Variants in FHIT observed in about 807,000 individuals in gnomAD.
The protein encoded by FHIT is bis(5'-adenosyl)-triphosphatase.
FHIT carries 19 observed loss-of-function variants against 17.9 expected under a neutral mutation model. The observed-to-expected ratio is 1.06, with a 90% CI of 0.74 to 1.56. The LOEUF (loss-of-function observed/expected upper bound fraction) is 1.56, where lower values mean the gene tolerates loss of function less well. Among genes scored for constraint, FHIT ranks in the 40% most tolerant of loss-of-function variants. The probability of loss-of-function intolerance (pLI) is 0.00; values close to 1 mark genes in which losing one functional copy is unlikely to be tolerated. For synonymous variants in FHIT, 81 were observed against 69.7 expected (o/e 1.16, Z -0.81); for missense variants, 248 against 189.2 (o/e 1.31, Z -1.82).
intron 8 of FHIT, among the ~76,000 whole-genome samples, chr3:59,791,603 C>G (rs1219685176): frequency 6.6e-6 from 1 of 152,144 alleles, no homozygotes; most frequent in East Asian, 1.9e-4. Context: ...CAAAGGGTCT[C>G]TAATTTCTCT....
intron 4 of FHIT, chr3:60,730,060 C>T: frequency 2.0e-6 from 1 of 493,702 alleles, no homozygotes; most frequent in Non-Finnish European, 4.1e-6. Context: ...TGAAACAACC[C>T]TCTGGACTTC....
chr3:60,074,247 G>T (rs1702908637), intron 5 of FHIT, among the ~76,000 whole-genome samples: 1 of 151,992 alleles, frequency 6.6e-6, no homozygotes, highest in Non-Finnish European at 1.5e-5. Flanking sequence ...TGAGTTTTAT[G>T]AAACAGTTAA....
At chr3:59,786,720 G>C (rs1212510467) in intron 8 of FHIT, among the ~76,000 whole-genome samples, 4 of 152,208 alleles carry the variant, frequency 2.6e-5, no homozygotes, top group African/African-American at 9.6e-5. Context: ...AAACTATGGA[G>C]ATTATGCCAT....
Position 60,569,755 on chromosome 3 carries a change from A to ATATATATTTTTT in FHIT, c.-17-32777_-17-32776insAAAAAATATATA. Among the ~76,000 whole-genome samples, 437 of 77,224 alleles carry ATATATATTTTTT rather than the reference A, an allele frequency of 5.7e-3. 13 individuals are homozygous for ATATATATTTTTT. The highest frequency in any genetic ancestry group is 0.026 in the Middle Eastern group (3 of 114). The allele number at this position is 77,224 out of a possible 152,430, so 50.7% of individuals were successfully genotyped here. A position where few individuals can be genotyped will look rare whatever the true frequency, so the allele number is the denominator to read the frequency against. On this transcript the variant is annotated intron_variant, in intron 4 of 9. Coordinates refer to ENST00000492590, the MANE Select transcript of FHIT (RefSeq NM_002012.4). Reference sequence around the variant, plus strand: ...TATATATATATATATATATATATATATTTTTTTTTTTTTTAGACAGAGTTT... The same window carrying ATATATATTTTTT: ...TATATATATATATATATATATATATATATATATTTTTTTTTTTTTTTTTTTTAGACAGAGTTT...
chr3:60,357,446 T>G (rs1246671393), intron 5 of FHIT, among the ~76,000 whole-genome samples: 1 of 152,132 alleles, frequency 6.6e-6, no homozygotes, highest in Admixed American at 6.5e-5. Flanking sequence ...GGTTTCGCTA[T>G]GTTGGTCAGA....
chr3:59,947,271 T>A (rs745311332), intron 7 of FHIT, among the ~76,000 whole-genome samples: 3 of 152,202 alleles, frequency 2.0e-5, no homozygotes, highest in African/African-American at 4.8e-5. Flanking sequence ...TTTATCCACT[T>A]CTTGTACGTT....
intron 5 of FHIT, among the ~76,000 whole-genome samples, chr3:60,029,714 T>C (rs1043694842): frequency 2.0e-5 from 3 of 152,142 alleles, no homozygotes; most frequent in African/African-American, 4.8e-5. Flanking sequence ...CAGTAAATTA[T>C]GAGTATTCAG....
At chr3:60,908,885 T>C (rs1239711996) in intron 3 of FHIT, among the ~76,000 whole-genome samples, 3 of 152,172 alleles carry the variant, frequency 2.0e-5, no homozygotes, top group South Asian at 2.1e-4. Context: ...GGGTACTTTG[T>C]GGAGCTTTGA....
At chr3:60,075,258 C>A (rs927636798) in intron 5 of FHIT, among the ~76,000 whole-genome samples, 1 of 151,986 alleles carries the variant, frequency 6.6e-6, no homozygotes, top group Non-Finnish European at 1.5e-5. Context: ...AAGTGGGGAG[C>A]TCCTTTAAAA....
intron 5 of FHIT, among the ~76,000 whole-genome samples, chr3:60,017,860 TG>T (rs1700403460): frequency 6.6e-6 from 1 of 152,186 alleles, no homozygotes; most frequent in Admixed American, 6.5e-5. Flanking sequence ...AGAGCTGGTG[TG>T]GTTTGCTATT....
chr3:60,555,282 G>A (rs938364816), intron 4 of FHIT, among the ~76,000 whole-genome samples: 1 of 152,194 alleles, frequency 6.6e-6, no homozygotes, highest in South Asian at 2.1e-4. Flanking sequence ...TCTGTGTTAT[G>A]TCCCCACTAA....
At chr3:59,927,156 G>A (rs997142571) in intron 7 of FHIT, among the ~76,000 whole-genome samples, 21 of 152,202 alleles carry the variant, frequency 1.4e-4, no homozygotes, top group African/African-American at 4.6e-4. Context: ...GGAGTGATGT[G>A]CGCTGAGTGA....
intron 4 of FHIT, among the ~76,000 whole-genome samples, chr3:60,785,943 T>C (rs6797098): frequency 0.61 from 90,267 of 147,294 alleles, 29,671 homozygotes; most frequent in African/African-American, 0.88. Context: ...ACAGAGAGAG[T>C]ACTTTTCAAG....
chr3:60,848,950 A>C (rs1303068955), intron 3 of FHIT, among the ~76,000 whole-genome samples: 1 of 152,200 alleles, frequency 6.6e-6, no homozygotes, highest in Non-Finnish European at 1.5e-5. Context: ...ACAAACATAG[A>C]TTTGAAACCA....
At chr3:60,930,505 A>C (rs1167559197) in intron 3 of FHIT, among the ~76,000 whole-genome samples, 1 of 152,184 alleles carries the variant, frequency 6.6e-6, no homozygotes, top group South Asian at 2.1e-4. Flanking sequence ...ACAAAGAATC[A>C]AACAGATTTA....
At chr3:60,440,939 A>T (rs528804704) in intron 5 of FHIT, among the ~76,000 whole-genome samples, 1 of 152,138 alleles carries the variant, frequency 6.6e-6, no homozygotes, top group Non-Finnish European at 1.5e-5. Context: ...CTGATACTCT[A>T]CCAAATTACA....
At chr3:60,347,687 G>GGT (rs1710859216) in intron 5 of FHIT, among the ~76,000 whole-genome samples, 1 of 129,686 alleles carries the variant, frequency 7.7e-6, no homozygotes, top group Admixed American at 7.7e-5. Flanking sequence ...GGGGGGGGGG[G>GGT]GGTTTGTTTT....
chr3:59,894,736 G>T (rs770971843), intron 8 of FHIT, among the ~76,000 whole-genome samples: 35 of 152,140 alleles, frequency 2.3e-4, no homozygotes, highest in Non-Finnish European at 4.0e-4. Flanking sequence ...GATCAATTTG[G>T]TACATTCTTG....
intron 3 of FHIT, among the ~76,000 whole-genome samples, chr3:60,887,325 A>C (rs1553759492): frequency 6.6e-6 from 1 of 152,162 alleles, no homozygotes; most frequent in Admixed American, 6.5e-5. Context: ...TTAGTTGGTT[A>C]AAATACGCTT....
Sources: allele counts gnomAD v4.1 joint callset (sites outside exome capture counted in the v4.1 genomes callset), GRCh38; gene constraint gnomAD v4.1.1; transcripts MANE v1.5; gene names NCBI Gene and HGNC (gene_info 2026-07-23, HGNC 2026-07-21).